Variants in SLX4IP observed in about 807,000 individuals in gnomAD.
SLX4IP encodes SLX4 interacting protein.
A neutral mutation model predicts 32.9 loss-of-function variants in SLX4IP; 34 were observed. The ratio of observed to expected loss-of-function variants is 1.03; its 90% CI spans 0.79 to 1.38. SLX4IP has a LOEUF of 1.38. SLX4IP is among the 40% of genes most tolerant of loss of function. The pLI is 0.00. For synonymous variants in SLX4IP, 172 were observed against 171.7 expected (o/e 1.00, Z -0.01); for missense variants, 444 against 479.0 (o/e 0.93, Z 0.68).
chr20:10,538,974 C>T (rs1053358249), intron 2 of SLX4IP, among the ~76,000 whole-genome samples: 4 of 152,156 alleles, frequency 2.6e-5, no homozygotes, highest in African/African-American at 4.8e-5. Context: ...AGGACTAATG[C>T]CCAAGGCAGA....
intron 2 of SLX4IP, among the ~76,000 whole-genome samples, chr20:10,529,590 CAAAAA>C (rs71334410): frequency 1.1e-4 from 6 of 53,642 alleles, no homozygotes; most frequent in South Asian, 1.1e-3. Flanking sequence ...GACTCCATCT[CAAAAA>C]AAAAAAAAAA....
chr20:10,453,287 C>T (rs144785785), intron 1 of SLX4IP, among the ~76,000 whole-genome samples: 2 of 146,266 alleles, frequency 1.4e-5, no homozygotes, highest in Non-Finnish European at 3.1e-5. Flanking sequence ...ATATTCTCCA[C>T]GAGTTGTCTA....
chr20:10,519,671 G>T (rs2065886914), intron 2 of SLX4IP, among the ~76,000 whole-genome samples: 1 of 152,170 alleles, frequency 6.6e-6, no homozygotes, highest in Admixed American at 6.5e-5. Flanking sequence ...GACTAATGTT[G>T]CTATGCATGT....
At chr20:10,492,159 T>G (rs2065628605) in intron 2 of SLX4IP, among the ~76,000 whole-genome samples, 1 of 152,210 alleles carries the variant, frequency 6.6e-6, no homozygotes, top group Admixed American at 6.5e-5. Flanking sequence ...TTTGTGCTAT[T>G]CCCAACAGTT....
At chr20:10,505,042 G>A (rs962876997) in intron 2 of SLX4IP, among the ~76,000 whole-genome samples, 3 of 152,162 alleles carry the variant, frequency 2.0e-5, no homozygotes, top group African/African-American at 7.2e-5. Flanking sequence ...AATCAAATGG[G>A]AAGTGGCATT....
Position 10,445,949 on chromosome 20 carries a change from T to C in SLX4IP, c.-30+10496T>C, listed in dbSNP as rs1050189243. 7.3e-5 allele frequency among the ~76,000 whole-genome samples: 11 copies of C among 151,080 alleles called. No homozygotes were observed. The South Asian group carries it at 1.9e-3, about 26-fold the overall frequency. ...CTGAGATTGCTTTTTTTTTTTTTTT[T>C]TTTTTTTTAACTCAGCCTATTTCCT... On this transcript the variant is annotated intron_variant, in intron 1 of 7. Transcript: ENST00000334534.
At chr20:10,525,002 C>T (rs1350971044) in intron 2 of SLX4IP, among the ~76,000 whole-genome samples, 1 of 152,196 alleles carries the variant, frequency 6.6e-6, no homozygotes, top group Non-Finnish European at 1.5e-5. Context: ...CACCTATCCT[C>T]CCCTTTGGAG....
intron 2 of SLX4IP, among the ~76,000 whole-genome samples, chr20:10,523,636 C>T (rs535923885): frequency 5.9e-5 from 9 of 152,342 alleles, no homozygotes; most frequent in African/African-American, 1.7e-4. Context: ...CCATCCTCCA[C>T]GGGGCCTGGC....
intron 4 of SLX4IP, among the ~76,000 whole-genome samples, chr20:10,593,500 C>T (rs2066735975): frequency 6.6e-6 from 1 of 152,024 alleles, no homozygotes. Flanking sequence ...TTTGGGAGGT[C>T]CAGGCAGCAG....
At chr20:10,449,528 G>A (rs901237195) in intron 1 of SLX4IP, among the ~76,000 whole-genome samples, 5 of 152,196 alleles carry the variant, frequency 3.3e-5, no homozygotes, top group African/African-American at 1.2e-4. Flanking sequence ...CAGTGGACCT[G>A]ACAAGACTCT....
intron 4 of SLX4IP, among the ~76,000 whole-genome samples, chr20:10,589,772 A>G (rs1188805687): frequency 6.6e-6 from 1 of 152,134 alleles, no homozygotes; most frequent in East Asian, 1.9e-4. Context: ...AAATAAGAGT[A>G]TATGTGATTA....
At chr20:10,494,236 G>A (rs921334244) in intron 2 of SLX4IP, among the ~76,000 whole-genome samples, 3 of 151,754 alleles carry the variant, frequency 2.0e-5, no homozygotes, top group Non-Finnish European at 2.9e-5. Context: ...TTCTGTAATA[G>A]TTTGTAATTA....
chr20:10,574,829 C>T (rs181741581), intron 4 of SLX4IP, among the ~76,000 whole-genome samples: 179 of 152,156 alleles, frequency 1.2e-3, no homozygotes, highest in South Asian at 6.0e-3. Flanking sequence ...CGTGCCACCA[C>T]GCCCAGCTAA....
Position 10,458,195 on chromosome 20 carries a change from T to C in SLX4IP, c.-10T>C. On this transcript the variant is annotated 5_prime_UTR_variant, in exon 2 of 8. Coordinates refer to ENST00000334534, the MANE Select transcript of SLX4IP (RefSeq NM_001009608.3). ...TTAAAGGTCTGTAGTTACTGTGGAA[T>C]CAATAAGCCATGGCATCTAAGAAAT... The C allele has an allele frequency of 1.1e-5, 17 of 1,582,762 alleles. No individual in the cohort carries two copies. The highest frequency in any genetic ancestry group is 1.5e-5 in the Non-Finnish European group (17 of 1,170,352).
chr20:10,518,812 C>A (rs2122445400), intron 2 of SLX4IP, among the ~76,000 whole-genome samples: 1 of 152,110 alleles, frequency 6.6e-6, no homozygotes, highest in Middle Eastern at 3.4e-3. Context: ...TCAAGTGATA[C>A]ACCCACTTTG....
chr20:10,458,328 C>A, intron 2 of SLX4IP, 97 bp downstream of exon 2: 1 of 1,251,746 alleles, frequency 8.0e-7, no homozygotes, highest in Non-Finnish European at 1.1e-6. Flanking sequence ...TAACTTTCTG[C>A]TTTTTACACT....
At position 10,623,615 on chromosome 20, in the gene SLX4IP, A is replaced by G; in HGVS notation, c.*236A>G. On this transcript the variant is annotated 3_prime_UTR_variant, in exon 8 of 8. Transcript: ENST00000334534. ...ATCATTGTATTTTATGACTGTCTTC[A>G]GAGAATTAGTAATGACAAAGAGCCA... 1 of 585,552 alleles carries G rather than the reference A, an allele frequency of 1.7e-6. No individual in the cohort carries two copies. The highest frequency in any genetic ancestry group is 4.6e-4 in the Middle Eastern group (1 of 2,154). The allele number at this position is 585,552 out of a possible 1,614,324, so 36.3% of individuals were successfully genotyped here.
intron 2 of SLX4IP, among the ~76,000 whole-genome samples, chr20:10,521,326 A>G (rs1174786598): frequency 1.3e-5 from 2 of 151,736 alleles, no homozygotes; most frequent in Non-Finnish European, 2.9e-5. Flanking sequence ...CTCTTGTTCC[A>G]TTCATTCTAG....
chr20:10,459,427 G>A (rs552067269), intron 2 of SLX4IP, among the ~76,000 whole-genome samples: 1 of 152,210 alleles, frequency 6.6e-6, no homozygotes, highest in African/African-American at 2.4e-5. Flanking sequence ...TTGGGGACTT[G>A]ACAATTTTAA....
Sources: gnomAD v4.1 joint callset for allele counts (sites outside exome capture counted in the v4.1 genomes callset) on GRCh38, gnomAD v4.1.1 for gene constraint, MANE v1.5 for transcripts, NCBI Gene and HGNC (gene_info 2026-07-23, HGNC 2026-07-21) for gene names.